CAMK2D: variants seen among roughly 807,000 people sequenced by gnomAD.
CAMK2D encodes calcium/calmodulin-dependent protein kinase type II subunit delta.
Under a neutral mutation model 84.0 loss-of-function variants are expected in CAMK2D, and 37 were observed. The ratio of observed to expected loss-of-function variants is 0.44; its 90% CI spans 0.34 to 0.58. CAMK2D has a LOEUF of 0.58. Among genes scored for constraint, CAMK2D ranks in the 20% least tolerant of loss-of-function variants. The pLI is 0.02. For synonymous variants in CAMK2D, 202 were observed against 212.5 expected, an observed-to-expected ratio of 0.95 and a Z score of 0.43; for missense variants, 448 against 652.5, an observed-to-expected ratio of 0.69 and a Z score of 3.41.
At chr4:113,722,664 C>T (rs982799534) in intron 2 of CAMK2D, among the ~76,000 whole-genome samples, 9 of 152,084 alleles carry the variant, frequency 5.9e-5, no homozygotes, top group South Asian at 4.2e-4. Context: ...ATATTGGGGA[C>T]GACATCAAGT....
At chr4:113,746,540 TA>T (rs2099604564) in intron 2 of CAMK2D, among the ~76,000 whole-genome samples, 1 of 152,152 alleles carries the variant, frequency 6.6e-6, no homozygotes, top group Non-Finnish European at 1.5e-5. Context: ...AGACAGTATA[TA>T]TTTTTTTCTT....
At chr4:113,589,264 A>G (rs2098848014) in intron 4 of CAMK2D, among the ~76,000 whole-genome samples, 2 of 152,178 alleles carry the variant, frequency 1.3e-5, no homozygotes, top group South Asian at 4.1e-4. Flanking sequence ...GGGTAGAAAG[A>G]GGAAAACTAG....
Position 113,505,041 on chromosome 4 carries a change from G to C in CAMK2D, c.985-6C>G. 2 of 1,562,858 alleles carry C rather than the reference G, an allele frequency of 1.3e-6. No homozygotes were observed. Among genetic ancestry groups the C allele is most frequent in the South Asian group, 1.2e-5 (1 of 85,452 alleles). Reference sequence around the variant, plus strand: ...ACGTTGGCTTTGTTGTTTATCTGTGGGTATGCAGAAAATAGAAACAGAGAT... The same window carrying C: ...ACGTTGGCTTTGTTGTTTATCTGTGCGTATGCAGAAAATAGAAACAGAGAT... On this transcript the variant is annotated splice_region_variant and splice_polypyrimidine_tract_variant and intron_variant, in intron 13 of 20. Coordinates refer to ENST00000511664, the MANE Select transcript of CAMK2D (RefSeq NM_001321571.2).
intron 4 of CAMK2D, among the ~76,000 whole-genome samples, chr4:113,578,136 A>G (rs1438939409): frequency 6.6e-6 from 1 of 152,224 alleles, no homozygotes; most frequent in Non-Finnish European, 1.5e-5. Context: ...CATTGAAGAA[A>G]GATATTCTGT....
chr4:113,470,449 C>T (rs1204063266), intron 16 of CAMK2D, among the ~76,000 whole-genome samples: 3 of 152,070 alleles, frequency 2.0e-5, no homozygotes, highest in African/African-American at 7.2e-5. Flanking sequence ...ACCATCCTGG[C>T]CAACATGGTG....
chr4:113,475,198 C>T (rs902015191), intron 16 of CAMK2D, among the ~76,000 whole-genome samples: 2 of 152,094 alleles, frequency 1.3e-5, no homozygotes, highest in Non-Finnish European at 2.9e-5. Flanking sequence ...TGGGTAAATT[C>T]ATTTATAGCC....
At chr4:113,679,429 C>G (rs1277214422) in intron 2 of CAMK2D, 2 of 975,048 alleles carry the variant, frequency 2.1e-6, no homozygotes, top group Non-Finnish European at 2.4e-6. Context: ...TCTTTTCTTT[C>G]TTAATTCTTC....
intron 3 of CAMK2D, among the ~76,000 whole-genome samples, chr4:113,611,406 A>T (rs1218085629): frequency 1.3e-5 from 2 of 152,198 alleles, no homozygotes; most frequent in Admixed American, 6.5e-5. Flanking sequence ...CATAACAATT[A>T]TTCTGGAAAA....
At chr4:113,696,195 G>GACACACACACACACAC (rs56784441) in intron 2 of CAMK2D, among the ~76,000 whole-genome samples, 1 of 144,528 alleles carries the variant, frequency 6.9e-6, no homozygotes, top group African/African-American at 2.5e-5. Context: ...CAGACACACA[G>GACACACACACACACAC]ACACACACAC....
At chr4:113,485,370 C>T (rs1047091278) in intron 16 of CAMK2D, among the ~76,000 whole-genome samples, 1 of 152,176 alleles carries the variant, frequency 6.6e-6, no homozygotes, top group African/African-American at 2.4e-5. Context: ...TAGTCCCTCA[C>T]TAAATATTTG....
At chr4:113,507,109 A>G (rs977838462) in intron 13 of CAMK2D, among the ~76,000 whole-genome samples, 7 of 152,236 alleles carry the variant, frequency 4.6e-5, no homozygotes, top group Non-Finnish European at 1.0e-4. Flanking sequence ...GACTAACTAA[A>G]TGATTTTTTT....
At chr4:113,604,968 T>C (rs748833198) in intron 4 of CAMK2D, among the ~76,000 whole-genome samples, 7 of 152,224 alleles carry the variant, frequency 4.6e-5, no homozygotes, top group Non-Finnish European at 5.9e-5. Context: ...GATCAAAATA[T>C]ATCACGCCCA....
At chr4:113,646,828 T>A (rs1327938220) in intron 3 of CAMK2D, among the ~76,000 whole-genome samples, 2 of 152,208 alleles carry the variant, frequency 1.3e-5, no homozygotes, top group East Asian at 3.8e-4. Context: ...AAAGACATGG[T>A]CAGACTTGCA....
chr4:113,512,528 G>A (rs1198998633), intron 12 of CAMK2D, among the ~76,000 whole-genome samples: 1 of 152,108 alleles, frequency 6.6e-6, no homozygotes, highest in African/African-American at 2.4e-5. Flanking sequence ...CTATACTTTT[G>A]AATGAACTTA....
intron 2 of CAMK2D, among the ~76,000 whole-genome samples, chr4:113,744,329 C>A (rs947738263): frequency 6.6e-6 from 1 of 152,164 alleles, no homozygotes; most frequent in African/African-American, 2.4e-5. Context: ...TTGTCCTAAA[C>A]ACTATTGAAA....
At chr4:113,508,299 G>GAA in intron 13 of CAMK2D, 5 of 1,462,796 alleles carry the variant, frequency 3.4e-6, no homozygotes, top group South Asian at 1.2e-5. Context: ...GAAAGGAAAA[G>GAA]AAAAAAAAAT....
chr4:113,757,075 T>G (rs549833371), intron 2 of CAMK2D, among the ~76,000 whole-genome samples: 24 of 152,076 alleles, frequency 1.6e-4, no homozygotes, highest in Non-Finnish European at 3.2e-4. Flanking sequence ...ATGAGTATGA[T>G]TTCCCATTTT....
At chr4:113,555,375 G>A (rs553070637) in intron 4 of CAMK2D, among the ~76,000 whole-genome samples, 2 of 152,288 alleles carry the variant, frequency 1.3e-5, no homozygotes, top group African/African-American at 4.8e-5. Flanking sequence ...TAATGCACAA[G>A]TAGGAGGCAA....
chr4:113,722,911 G>C (rs1407299342), intron 2 of CAMK2D, among the ~76,000 whole-genome samples: 1 of 152,182 alleles, frequency 6.6e-6, no homozygotes, highest in African/African-American at 2.4e-5. Context: ...GTAGGAGAGA[G>C]AGAGAGAAGG....
Sources: allele counts gnomAD v4.1 joint callset (sites outside exome capture counted in the v4.1 genomes callset), GRCh38; gene constraint gnomAD v4.1.1; transcripts MANE v1.5; gene names NCBI Gene and HGNC (gene_info 2026-07-23, HGNC 2026-07-21).